NNT: variants seen among roughly 807,000 people sequenced by gnomAD.
NNT encodes NAD(P) transhydrogenase, mitochondrial.
Under a neutral mutation model 104.8 loss-of-function variants are expected in NNT, and 50 were observed. The observed-to-expected ratio is 0.48, with a 90% CI of 0.38 to 0.60. The LOEUF is 0.60. NNT is among the 20% of genes least tolerant of loss of function. NNT has a pLI of 0.00. For synonymous variants in NNT, 461 were observed against 490.4 expected (o/e 0.94, Z 0.79); for missense variants, 1,131 against 1,330.7 (o/e 0.85, Z 2.33).
intron 19 of NNT, among the ~76,000 whole-genome samples, chr5:43,695,073 A>G (rs1478161709): frequency 6.6e-6 from 1 of 152,038 alleles, no homozygotes; most frequent in Non-Finnish European, 1.5e-5. Context: ...TAGGTTTTCT[A>G]GTTTGTGTGT....
chr5:43,607,483 A>T (rs920672047), intron 1 of NNT, among the ~76,000 whole-genome samples: 5 of 151,714 alleles, frequency 3.3e-5, no homozygotes, highest in African/African-American at 1.2e-4. Context: ...AAACTGCCCC[A>T]CCCCTATCTG....
intron 17 of NNT, among the ~76,000 whole-genome samples, chr5:43,659,821 G>A (rs1045584376): frequency 3.9e-5 from 6 of 152,026 alleles, no homozygotes; most frequent in African/African-American, 1.2e-4. Flanking sequence ...TGCCTTTAAG[G>A]TACCCAACTG....
intron 19 of NNT, among the ~76,000 whole-genome samples, chr5:43,678,592 CT>C (rs1741545427): frequency 6.6e-6 from 1 of 152,088 alleles, no homozygotes; most frequent in Non-Finnish European, 1.5e-5. Context: ...CAAGTTGTAT[CT>C]TTTTGGTTTC....
intron 7 of NNT, among the ~76,000 whole-genome samples, chr5:43,634,812 T>A (rs1193957938): frequency 2.6e-5 from 4 of 152,210 alleles, no homozygotes; most frequent in African/African-American, 7.2e-5. Context: ...TTGCTATTTA[T>A]CAGTCTTGTT....
chr5:43,608,544 T>C (rs1007894260), intron 1 of NNT, among the ~76,000 whole-genome samples: 3 of 152,238 alleles, frequency 2.0e-5, no homozygotes, highest in African/African-American at 7.2e-5. Context: ...GTGTCATGCA[T>C]GTTTAATTTT....
chr5:43,678,037 G>T (rs374746828), intron 19 of NNT, among the ~76,000 whole-genome samples: 1 of 152,080 alleles, frequency 6.6e-6, no homozygotes, highest in Non-Finnish European at 1.5e-5. Flanking sequence ...AACAAATTTT[G>T]TATATTATAT....
At chr5:43,603,734 C>T (rs979901585) in intron 1 of NNT, among the ~76,000 whole-genome samples, 2 of 152,032 alleles carry the variant, frequency 1.3e-5, no homozygotes, top group Admixed American at 1.3e-4. Flanking sequence ...GGCGGTTCAT[C>T]CAGAGAGGTG....
chr5:43,606,979 T>G (rs1370280158), intron 1 of NNT, among the ~76,000 whole-genome samples: 4 of 134,582 alleles, frequency 3.0e-5, no homozygotes, highest in African/African-American at 1.2e-4. Context: ...AGGTTTTTTT[T>G]GTTTTTTGTT....
At chr5:43,611,051 GCTTCTTTCCTTC>G (rs1256650964) in intron 2 of NNT, among the ~76,000 whole-genome samples, 1 of 151,058 alleles carries the variant, frequency 6.6e-6, no homozygotes, top group African/African-American at 2.4e-5. Flanking sequence ...TTGCTTTCTT[GCTTCTTTCCTTC>G]CTTCTTTCCT....
At position 43,704,368 on chromosome 5, in the gene NNT, G is replaced by A. The variant is rs746624459; in HGVS notation, c.3225G>A (p.Ala1075=). ...LLGDAKKTCD[A]LQAKVRESYQ... Reference sequence around the variant, plus strand: ...GTGATGCCAAGAAAACATGTGACGCGCTCCAGGCGAAAGTTAGAGAATCCT... The same window carrying A: ...GTGATGCCAAGAAAACATGTGACGCACTCCAGGCGAAAGTTAGAGAATCCT... The change falls in exon 22 of 22, where the codon GCG becomes GCA. Residue 1075 remains alanine, a synonymous_variant. Coordinates refer to ENST00000344920, the MANE Select transcript of NNT (RefSeq NM_182977.3). The A allele has an allele frequency of 2.7e-5, 43 of 1,613,640 alleles. No homozygotes were observed. Among genetic ancestry groups the A allele is most frequent in the Non-Finnish European group, 3.3e-5 (39 of 1,179,712 alleles).
chr5:43,640,643 A>T (rs1751181689), intron 7 of NNT, among the ~76,000 whole-genome samples: 1 of 151,786 alleles, frequency 6.6e-6, no homozygotes, highest in Non-Finnish European at 1.5e-5. Context: ...TCTCCACATC[A>T]TACTAAGAGT....
At chr5:43,699,662 A>G (rs993189517) in intron 19 of NNT, among the ~76,000 whole-genome samples, 6 of 152,228 alleles carry the variant, frequency 3.9e-5, no homozygotes, top group African/African-American at 1.4e-4. Context: ...CCATCTCCCT[A>G]CCTTTGAACA....
In NNT at chr5:43,705,693, A is replaced by G. The variant is rs1743074368; in HGVS notation, c.*1289A>G. On this transcript the variant is annotated 3_prime_UTR_variant, in exon 22 of 22. Coordinates refer to ENST00000344920, the MANE Select transcript of NNT (RefSeq NM_182977.3). ...TTTTGTTACTGTAATGCTCGCGTTTAGTGAGTTTAAAACACACAGTATCTT... is the reference window on the plus strand; with the variant it reads ...TTTTGTTACTGTAATGCTCGCGTTTGGTGAGTTTAAAACACACAGTATCTT... 6.6e-6 allele frequency: 1 copy of G among 152,160 alleles called. No individual in the cohort carries two copies. Among genetic ancestry groups the G allele is most frequent in the African/African-American group, 2.4e-5 (1 of 41,452 alleles). 9.4% of individuals were successfully genotyped at this position (152,160 alleles called of 1,614,324 possible).
chr5:43,651,448 C>T lies in NNT; in HGVS notation c.1718-291C>T, dbSNP rs1000656496. 7.7e-4 allele frequency among the ~76,000 whole-genome samples: 117 copies of T among 151,904 alleles called. 1 individual carries two copies. Among genetic ancestry groups the T allele is most frequent in the Non-Finnish European group, 1.0e-4 (7 of 67,968 alleles). The stretch of plus-strand genomic sequence containing the variant: ...CAAAAATTAGCCCAGCATAGTGGCG[C>T]GAGCCTATAATCCCAGCCACTCGGG... On this transcript the variant is annotated intron_variant, in intron 12 of 21. Coordinates refer to ENST00000344920, the MANE Select transcript of NNT (RefSeq NM_182977.3).
At chr5:43,645,273 G>A in intron 9 of NNT, 84 bp from the exon 10 acceptor site, 1 of 746,476 alleles carries the variant, frequency 1.3e-6, no homozygotes, top group Non-Finnish European at 1.9e-6. Flanking sequence ...AAAGAACAGG[G>A]TTTTAAAAAA....
chr5:43,698,687 T>C (rs1331376603), intron 19 of NNT, among the ~76,000 whole-genome samples: 1 of 152,056 alleles, frequency 6.6e-6, no homozygotes, highest in Non-Finnish European at 1.5e-5. Flanking sequence ...TAGAGTAAAA[T>C]TGGTTTCATT....
intron 20 of NNT, among the ~76,000 whole-genome samples, chr5:43,700,917 G>A: frequency 6.6e-6 from 1 of 152,034 alleles, no homozygotes; most frequent in Non-Finnish European, 1.5e-5. Context: ...CATTTTTTTG[G>A]CAACAGTCTA....
At chr5:43,648,054 C>T (rs1231821730) in intron 10 of NNT, 3 of 1,219,508 alleles carry the variant, frequency 2.5e-6, no homozygotes, top group Non-Finnish European at 3.2e-6. Flanking sequence ...CTTAAGAAAA[C>T]ATATTCTTAT....
chr5:43,680,442 AG>A (rs1741644134), intron 19 of NNT, among the ~76,000 whole-genome samples: 1 of 152,096 alleles, frequency 6.6e-6, no homozygotes, highest in South Asian at 2.1e-4. Flanking sequence ...GGGCCTCTGG[AG>A]TTAGCAGGTC....
Sources: allele counts gnomAD v4.1 joint callset (sites outside exome capture counted in the v4.1 genomes callset), GRCh38; gene constraint gnomAD v4.1.1; transcripts MANE v1.5; gene names NCBI Gene and HGNC (gene_info 2026-07-23, HGNC 2026-07-21).